The following NOMO1 variants were observed in gnomAD, a reference collection of about 807,000 sequenced individuals.
NOMO1 encodes NODAL modulator 1.
NOMO1 carries 40 observed loss-of-function variants against 133.8 expected under a neutral mutation model. The observed-to-expected ratio is 0.30, with a 90% CI of 0.23 to 0.39. NOMO1 has a LOEUF of 0.39. Among genes scored for constraint, NOMO1 ranks in the 10% least tolerant of loss-of-function variants. NOMO1 has a pLI of 1.00. For missense variants in NOMO1, 462 were observed against 1,419.9 expected (o/e 0.33, Z 10.84); for synonymous variants, 236 against 570.5 (o/e 0.41, Z 8.36).
chr16:14,871,789 A>G, intron 17 of NOMO1, 105 bp downstream of exon 17: 1 of 1,154,298 alleles, frequency 8.7e-7, no homozygotes, highest in Non-Finnish European at 1.2e-6. Context: ...TTTTTCTGAA[A>G]GAGGCAAGGT....
rs555857091 is a variant in NOMO1, at chr16:14,892,683, A to C, written c.3445-2315A>C. Among the ~76,000 whole-genome samples the C allele has an allele frequency of 4.6e-4, 69 of 148,818 alleles. 1 individual carries two copies. Among genetic ancestry groups the C allele is most frequent in the Admixed American group, 4.2e-3 (62 of 14,876 alleles). ...GCAGGGCCAAGTGTTGAATGAAGAG[A>C]GCGCCCACTCTGTGCCACCCCGTAC... is the stretch of plus-strand genomic sequence containing the variant. On this transcript the variant is annotated intron_variant, in intron 29 of 30. Coordinates refer to ENST00000287667, the MANE Select transcript of NOMO1 (RefSeq NM_014287.4).
At chr16:14,879,748 A>G (rs1389778390) in intron 23 of NOMO1, among the ~76,000 whole-genome samples, 3 of 148,686 alleles carry the variant, frequency 2.0e-5, no homozygotes, top group African/African-American at 7.5e-5. Context: ...CAGAAAAAAA[A>G]AAAAAAAAAA....
At chr16:14,843,212 C>T (rs1464915008) in intron 3 of NOMO1, among the ~76,000 whole-genome samples, 9 of 139,572 alleles carry the variant, frequency 6.4e-5, no homozygotes, top group Non-Finnish European at 1.4e-4. Context: ...AGCCACCACG[C>T]CTGGCCTATA....
chr16:14,843,145 C>G (rs1963630754), intron 3 of NOMO1, among the ~76,000 whole-genome samples: 1 of 133,716 alleles, frequency 7.5e-6, no homozygotes. Flanking sequence ...TCTCGAACTC[C>G]TGACCTCAAG....
At chr16:14,849,896 CTTTTTTTTTTT>C (rs1171906105) in intron 6 of NOMO1, among the ~76,000 whole-genome samples, 19 of 87,900 alleles carry the variant, frequency 2.2e-4, no homozygotes, top group African/African-American at 8.4e-4. Flanking sequence ...CAGATACAGT[CTTTTTTTTTTT>C]TTTTTTTTTT....
At chr16:14,845,324 T>C (rs1213876343) in intron 4 of NOMO1, among the ~76,000 whole-genome samples, 2 of 152,062 alleles carry the variant, frequency 1.3e-5, no homozygotes, top group African/African-American at 4.8e-5. Flanking sequence ...AGGTGTACGC[T>C]GTGCACCCAG....
chr16:14,884,553 T>A, intron 27 of NOMO1, 71 bp downstream of exon 27: 1 of 1,607,900 alleles, frequency 6.2e-7, no homozygotes, highest in Non-Finnish European at 8.5e-7. Context: ...ATGGGATGTT[T>A]TTGGGTTTGT....
At chr16:14,889,492 C>G (rs556956145) in intron 29 of NOMO1, among the ~76,000 whole-genome samples, 9 of 152,142 alleles carry the variant, frequency 5.9e-5, no homozygotes, top group Non-Finnish European at 1.3e-4. Flanking sequence ...TGATCATGCC[C>G]CTGCACTCCA....
chr16:14,885,732 G>A (rs1490873535), intron 27 of NOMO1, among the ~76,000 whole-genome samples: 2 of 151,836 alleles, frequency 1.3e-5, no homozygotes, highest in Admixed American at 1.3e-4. Flanking sequence ...CAGAGAGGAG[G>A]GGAGGGCGCC....
rs184561351 is a variant in NOMO1, at chr16:14,859,590, G to A, written c.1220+1935G>A. Among the ~76,000 whole-genome samples the A allele has an allele frequency of 5.2e-4, 79 of 152,056 alleles. 1 individual carries two copies. The East Asian group carries it at 7.2e-3, about 14-fold the overall frequency. On this transcript the variant is annotated intron_variant, in intron 11 of 30. Transcript: ENST00000287667. ...AGCACTTTGGGAGGCAGAGGTGGGC[G>A]GATCGATTGAGCCCAGGAGTTTGAG... is the stretch of plus-strand genomic sequence containing the variant.
chr16:14,893,539 TA>T (rs1964436086), intron 29 of NOMO1, among the ~76,000 whole-genome samples: 2 of 152,046 alleles, frequency 1.3e-5, no homozygotes, highest in South Asian at 4.1e-4. Context: ...GGTTGGGTTC[TA>T]AGAGATGTCC....
chr16:14,894,326 C>T (rs572400167), intron 29 of NOMO1, among the ~76,000 whole-genome samples: 42 of 152,242 alleles, frequency 2.8e-4, no homozygotes, highest in Middle Eastern at 3.4e-3. Flanking sequence ...CACCACTTCC[C>T]TAGGGTCCAG....
chr16:14,856,459 TCACACAGGCTGG>T (rs1963837306), intron 9 of NOMO1, among the ~76,000 whole-genome samples: 1 of 151,434 alleles, frequency 6.6e-6, no homozygotes, highest in Admixed American at 6.6e-5. Context: ...TCTTGCTGCG[TCACACAGGCTGG>T]CACTGTCTTG....
At chr16:14,860,511 G>A (rs2151897636) in intron 11 of NOMO1, among the ~76,000 whole-genome samples, 1 of 152,052 alleles carries the variant, frequency 6.6e-6, no homozygotes. Context: ...CAGATATGAG[G>A]CAGTGGTGGT....
At chr16:14,892,540 C>T (rs1230560539) in intron 29 of NOMO1, among the ~76,000 whole-genome samples, 2 of 150,872 alleles carry the variant, frequency 1.3e-5, no homozygotes, top group Non-Finnish European at 3.0e-5. Flanking sequence ...GTGTGATGTT[C>T]CCCTTCCTGT....
At chr16:14,891,468 T>C (rs1388870425) in intron 29 of NOMO1, among the ~76,000 whole-genome samples, 1 of 152,140 alleles carries the variant, frequency 6.6e-6, no homozygotes, top group Non-Finnish European at 1.5e-5. Context: ...TCTTATTGCT[T>C]CTGGATTTTA....
At chr16:14,893,184 T>G (rs560547338) in intron 29 of NOMO1, among the ~76,000 whole-genome samples, 36 of 151,516 alleles carry the variant, frequency 2.4e-4, no homozygotes, top group African/African-American at 8.3e-4. Context: ...AATTAAACTT[T>G]TATTTATTTA....
intron 4 of NOMO1, among the ~76,000 whole-genome samples, chr16:14,845,721 C>T (rs920256526): frequency 6.6e-6 from 1 of 151,840 alleles, no homozygotes; most frequent in Non-Finnish European, 1.5e-5. Flanking sequence ...GAGGCCCTTC[C>T]ATCCCAGCTG....
intron 18 of NOMO1, among the ~76,000 whole-genome samples, chr16:14,874,347 G>A (rs990796994): frequency 9.2e-5 from 14 of 151,916 alleles, no homozygotes; most frequent in Non-Finnish European, 2.1e-4. Context: ...CTGGACTGGT[G>A]TTGCCATTGC....
Sources: allele counts gnomAD v4.1 joint callset (sites outside exome capture counted in the v4.1 genomes callset), GRCh38; gene constraint gnomAD v4.1.1; transcripts MANE v1.5; gene names NCBI Gene and HGNC (gene_info 2026-07-23, HGNC 2026-07-21).